The following GPC5 variants were observed in gnomAD, a reference collection of about 807,000 sequenced individuals.
GPC5 encodes the protein glypican-5.
A neutral mutation model predicts 53.9 loss-of-function variants in GPC5; 47 were observed. The ratio of observed to expected loss-of-function variants is 0.87; its 90% CI spans 0.69 to 1.11. The LOEUF (loss-of-function observed/expected upper bound fraction) is 1.11, where lower values mean the gene tolerates loss of function less well. GPC5 is among the 50% of genes most tolerant of loss of function. The pLI, the probability that GPC5 is intolerant of heterozygous loss-of-function variation, is 0.00. For missense variants in GPC5, 748 were observed against 713.1 expected (o/e 1.05, Z -0.56); for synonymous variants, 286 against 263.3 (o/e 1.09, Z -0.84).
intron 2 of GPC5, among the ~76,000 whole-genome samples, chr13:91,530,419 A>G (rs1366218872): frequency 6.6e-6 from 1 of 152,190 alleles, no homozygotes; most frequent in Non-Finnish European, 1.5e-5. Flanking sequence ...CTCAGCCAGA[A>G]CTGGTTCAAC....
intron 2 of GPC5, among the ~76,000 whole-genome samples, chr13:91,485,251 C>G (rs1196429133): frequency 6.7e-6 from 1 of 148,808 alleles, no homozygotes; most frequent in Non-Finnish European, 1.5e-5. Context: ...TTGTTCTTGT[C>G]CCCCAGTCTG....
intron 7 of GPC5, among the ~76,000 whole-genome samples, chr13:92,856,513 G>A (rs148970251): frequency 1.3e-5 from 2 of 151,880 alleles, no homozygotes; most frequent in Non-Finnish European, 2.9e-5. Context: ...AGAAATAAAA[G>A]GTATCCAAAT....
chr13:91,434,139 C>T lies in GPC5; in HGVS notation c.164-14622C>T, dbSNP rs138579563. Among the ~76,000 whole-genome samples, 616 of 152,240 alleles carry T rather than the reference C, an allele frequency of 4.0e-3. 9 individuals are homozygous for T. The highest frequency in any genetic ancestry group is 0.014 in the African/African-American group (589 of 41,542). ...TGAGTAGATTGCAAAAATTTTCTCCCATTCTGTAGGTTGCCTGTTCAGGCT... is the reference window on the plus strand; with the variant it reads ...TGAGTAGATTGCAAAAATTTTCTCCTATTCTGTAGGTTGCCTGTTCAGGCT... On this transcript the variant is annotated intron_variant, in intron 1 of 7. Coordinates refer to ENST00000377067, the MANE Select transcript of GPC5 (RefSeq NM_004466.6).
At chr13:92,797,863 A>AGATAGAT (rs752492577) in intron 7 of GPC5, among the ~76,000 whole-genome samples, 1 of 141,082 alleles carries the variant, frequency 7.1e-6, no homozygotes, top group Non-Finnish European at 1.6e-5. Context: ...ATAGATAGAT[A>AGATAGAT]GATAGATGAT....
At chr13:92,413,641 CAG>C (rs1876147847) in intron 7 of GPC5, among the ~76,000 whole-genome samples, 1 of 152,024 alleles carries the variant, frequency 6.6e-6, no homozygotes, top group Non-Finnish European at 1.5e-5. Flanking sequence ...GTAGTGAAAA[CAG>C]AATTGATTTT....
intron 5 of GPC5, among the ~76,000 whole-genome samples, chr13:91,821,089 G>A (rs1302351990): frequency 6.6e-6 from 1 of 151,902 alleles, no homozygotes; most frequent in Non-Finnish European, 1.5e-5. Flanking sequence ...TATTCATATT[G>A]TAATGTTTCA....
At chr13:92,646,929 C>CGCGTGT (rs372426651) in intron 7 of GPC5, among the ~76,000 whole-genome samples, 1 of 135,096 alleles carries the variant, frequency 7.4e-6, no homozygotes, top group Non-Finnish European at 1.6e-5. Flanking sequence ...TATATATAAA[C>CGCGTGT]ATGTGTGTGT....
At chr13:91,644,491 T>C (rs1174185843) in intron 2 of GPC5, among the ~76,000 whole-genome samples, 1 of 152,184 alleles carries the variant, frequency 6.6e-6, no homozygotes, top group Non-Finnish European at 1.5e-5. Flanking sequence ...TCTCTACTTG[T>C]TAATCTCCTC....
chr13:92,226,391 T>A (rs1594014283), intron 7 of GPC5, among the ~76,000 whole-genome samples: 1 of 152,260 alleles, frequency 6.6e-6, no homozygotes, highest in Non-Finnish European at 1.5e-5. Context: ...TTTTCAGAGA[T>A]TCTTCTTTAT....
chr13:91,779,471 C>T (rs1187133850), intron 5 of GPC5, among the ~76,000 whole-genome samples: 1 of 152,048 alleles, frequency 6.6e-6, no homozygotes, highest in Non-Finnish European at 1.5e-5. Context: ...GGTGATCCTC[C>T]CACCTCAGCC....
At chr13:92,629,447 C>T (rs923493192) in intron 7 of GPC5, among the ~76,000 whole-genome samples, 4 of 152,086 alleles carry the variant, frequency 2.6e-5, no homozygotes, top group African/African-American at 7.2e-5. Flanking sequence ...TAGCTGTTGC[C>T]GCGGTTCCTT....
At chr13:92,844,982 G>T (rs1371917978) in intron 7 of GPC5, among the ~76,000 whole-genome samples, 1 of 151,992 alleles carries the variant, frequency 6.6e-6, no homozygotes, top group East Asian at 1.9e-4. Flanking sequence ...TTTCCATTTG[G>T]CTACAGCTGG....
intron 7 of GPC5, among the ~76,000 whole-genome samples, chr13:92,250,318 C>G (rs1195913564): frequency 1.3e-5 from 2 of 152,034 alleles, no homozygotes; most frequent in Non-Finnish European, 2.9e-5. Flanking sequence ...TTTCACATGC[C>G]CATTTTAATA....
chr13:92,733,581 A>G lies in GPC5; in HGVS notation c.1562-132701A>G, dbSNP rs565356567. Among the ~76,000 whole-genome samples, 14 of 151,932 alleles carry G rather than the reference A, an allele frequency of 9.2e-5. No individual in the cohort carries two copies. In the South Asian group the frequency reaches 2.9e-3, roughly 31 times the overall value. ...GAAAATTAAATGCAAGAAATATTTA[A>G]TAATGAAAAGACAATGATAGAAAAT... On this transcript the variant is annotated intron_variant, in intron 7 of 7. Coordinates refer to ENST00000377067, the MANE Select transcript of GPC5 (RefSeq NM_004466.6).
intron 7 of GPC5, among the ~76,000 whole-genome samples, chr13:92,191,662 A>T (rs559716345): frequency 3.3e-5 from 5 of 152,292 alleles, no homozygotes; most frequent in African/African-American, 1.2e-4. Flanking sequence ...ATATCTAGAC[A>T]ATGGAATATA....
intron 6 of GPC5, among the ~76,000 whole-genome samples, chr13:91,916,312 T>TA (rs1325335678): frequency 6.6e-6 from 1 of 152,100 alleles, no homozygotes; most frequent in Non-Finnish European, 1.5e-5. Flanking sequence ...AGAAAGGAAA[T>TA]ACGTGTCTAC....
chr13:92,014,560 T>A (rs1295440484), intron 6 of GPC5, among the ~76,000 whole-genome samples: 1 of 152,176 alleles, frequency 6.6e-6, no homozygotes, highest in South Asian at 2.1e-4. Context: ...TTGCTTGAGA[T>A]TTGAAGGGTT....
chr13:91,890,597 TTTTG>T (rs570834198), intron 5 of GPC5, among the ~76,000 whole-genome samples: 1 of 152,226 alleles, frequency 6.6e-6, no homozygotes, highest in Non-Finnish European at 1.5e-5. Flanking sequence ...CTAAGTTCAA[TTTTG>T]TTTGTTTTGT....
rs955441083 is a variant in GPC5 at position 91,734,379 on chromosome 13, G to A, written c.1154+5714G>A. Among the ~76,000 whole-genome samples, 4 of 151,252 alleles carry A rather than the reference G, an allele frequency of 2.6e-5. 1 individual carries two copies. The highest frequency in any genetic ancestry group is 7.4e-5 in the African/African-American group (3 of 40,582). On this transcript the variant is annotated intron_variant, in intron 4 of 7. Transcript: ENST00000377067. ...TATGTCTAGTTCAAATCTGTGTTCAGGAGTGTGAAATAACTACAGGGTGGG... is the reference window on the plus strand; with the variant it reads ...TATGTCTAGTTCAAATCTGTGTTCAAGAGTGTGAAATAACTACAGGGTGGG...
Sources: allele counts gnomAD v4.1 joint callset (sites outside exome capture counted in the v4.1 genomes callset), GRCh38; gene constraint gnomAD v4.1.1; transcripts MANE v1.5; gene names NCBI Gene and HGNC (gene_info 2026-07-23, HGNC 2026-07-21).